MAPK4: variants seen among roughly 807,000 people sequenced by gnomAD.
The protein encoded by MAPK4 is mitogen-activated protein kinase 4.
In MAPK4, 22 loss-of-function variants were observed where a neutral mutation model predicts 47.7. The observed-to-expected ratio is 0.46, with a 90% CI of 0.33 to 0.66. The LOEUF (loss-of-function observed/expected upper bound fraction) is 0.66, where lower values mean the gene tolerates loss of function less well. Among genes scored for constraint, MAPK4 ranks in the 30% least tolerant of loss-of-function variants. The pLI is 0.02. For missense variants in MAPK4, 736 were observed against 831.7 expected (o/e 0.88, Z 1.42); for synonymous variants, 390 against 365.7 (o/e 1.07, Z -0.76).
intron 1 of MAPK4, among the ~76,000 whole-genome samples, chr18:50,611,618 G>C (rs1347130900): frequency 6.6e-6 from 1 of 152,216 alleles, no homozygotes. Flanking sequence ...CCATCTCTCT[G>C]ACAGTGGGAA....
chr18:50,668,962 G>A (rs1262678052), intron 2 of MAPK4, among the ~76,000 whole-genome samples: 3 of 152,196 alleles, frequency 2.0e-5, no homozygotes, highest in Non-Finnish European at 2.9e-5. Flanking sequence ...AGAGTCAAAC[G>A]AAAAAGCGTG....
At chr18:50,564,780 C>T (rs1010956215) in intron 1 of MAPK4, among the ~76,000 whole-genome samples, 4 of 152,176 alleles carry the variant, frequency 2.6e-5, no homozygotes, top group Non-Finnish European at 4.4e-5. Flanking sequence ...AGCAGAACCG[C>T]CATTACCCAC....
rs571229308 is a variant in MAPK4 at position 50,674,623 on chromosome 18, C to A, written c.546+10119C>A. On this transcript the variant is annotated intron_variant, in intron 2 of 5. Coordinates refer to ENST00000400384, the MANE Select transcript of MAPK4 (RefSeq NM_002747.4). The stretch of plus-strand genomic sequence containing the variant: ...CCCTCTGTTCCCACATAAACTCCTG[C>A]GGACCCTGCTCAAATGTCCCACCTC... Among the ~76,000 whole-genome samples, 5 of 152,270 alleles carry A rather than the reference C, an allele frequency of 3.3e-5. No homozygotes were observed. The South Asian group carries it at 1.0e-3, about 32-fold the overall frequency.
chr18:50,673,123 G>T (rs988271990), intron 2 of MAPK4, among the ~76,000 whole-genome samples: 1 of 151,924 alleles, frequency 6.6e-6, no homozygotes, highest in African/African-American at 2.4e-5. Flanking sequence ...CCAAAAATAC[G>T]AAAATTAGCC....
intron 1 of MAPK4, among the ~76,000 whole-genome samples, chr18:50,647,080 C>T (rs1053818756): frequency 1.3e-5 from 2 of 152,194 alleles, no homozygotes; most frequent in African/African-American, 4.8e-5. Context: ...TCCTCATTGC[C>T]TGGTACATAG....
intron 1 of MAPK4, among the ~76,000 whole-genome samples, chr18:50,562,568 A>T (rs1429849151): frequency 6.6e-6 from 1 of 152,136 alleles, no homozygotes; most frequent in Non-Finnish European, 1.5e-5. Context: ...TCTAAGTCCC[A>T]TCATTGCCCA....
At chr18:50,656,896 A>G (rs2144227735) in intron 1 of MAPK4, among the ~76,000 whole-genome samples, 1 of 152,322 alleles carries the variant, frequency 6.6e-6, no homozygotes, top group East Asian at 1.9e-4. Flanking sequence ...CTCAGCCTCA[A>G]GTAAAAAAAA....
At chr18:50,577,041 T>G (rs550939595) in intron 1 of MAPK4, among the ~76,000 whole-genome samples, 5 of 152,348 alleles carry the variant, frequency 3.3e-5, no homozygotes, top group Admixed American at 2.6e-4. Flanking sequence ...CAAACTTGTT[T>G]GCACATTGGA....
At chr18:50,617,388 C>T (rs984050464) in intron 1 of MAPK4, among the ~76,000 whole-genome samples, 1 of 152,152 alleles carries the variant, frequency 6.6e-6, no homozygotes, top group Non-Finnish European at 1.5e-5. Context: ...GCAAAGTTTA[C>T]AGCACTTTAT....
At chr18:50,636,963 T>C (rs2042894397) in intron 1 of MAPK4, among the ~76,000 whole-genome samples, 1 of 152,150 alleles carries the variant, frequency 6.6e-6, no homozygotes, top group Non-Finnish European at 1.5e-5. Flanking sequence ...TGTCACAGCC[T>C]CCTGCTTGCT....
At chr18:50,648,267 A>G (rs1482714054) in intron 1 of MAPK4, among the ~76,000 whole-genome samples, 1 of 152,062 alleles carries the variant, frequency 6.6e-6, no homozygotes, top group African/African-American at 2.4e-5. Flanking sequence ...CAGTGTCACA[A>G]GCAGGTGGAC....
chr18:50,577,153 TAA>T (rs1037792846), intron 1 of MAPK4, among the ~76,000 whole-genome samples: 2 of 152,144 alleles, frequency 1.3e-5, no homozygotes, highest in Non-Finnish European at 2.9e-5. Context: ...TTTGGAATTT[TAA>T]AAAGATGATT....
intron 1 of MAPK4, among the ~76,000 whole-genome samples, chr18:50,605,357 T>G (rs1352278572): frequency 1.3e-5 from 2 of 152,202 alleles, no homozygotes; most frequent in Non-Finnish European, 2.9e-5. Flanking sequence ...ATTCAGGTAC[T>G]GCTCTGAGGG....
intron 1 of MAPK4, among the ~76,000 whole-genome samples, chr18:50,564,304 T>C (rs929093275): frequency 5.3e-5 from 8 of 152,244 alleles, no homozygotes; most frequent in Non-Finnish European, 1.2e-4. Context: ...ATTGATGTTA[T>C]GGGCCAGATA....
chr18:50,569,836 G>A (rs2042234434), intron 1 of MAPK4, among the ~76,000 whole-genome samples: 1 of 152,202 alleles, frequency 6.6e-6, no homozygotes, highest in South Asian at 2.1e-4. Flanking sequence ...CCGTCAATAC[G>A]CTGCTCAGCT....
At chr18:50,693,217 C>T (rs1488301329) in intron 2 of MAPK4, among the ~76,000 whole-genome samples, 1 of 152,048 alleles carries the variant, frequency 6.6e-6, no homozygotes, top group East Asian at 1.9e-4. Flanking sequence ...CACGATAGCA[C>T]CACTGCACTC....
chr18:50,633,854 C>T (rs930068786), intron 1 of MAPK4, among the ~76,000 whole-genome samples: 1 of 152,112 alleles, frequency 6.6e-6, no homozygotes, highest in Admixed American at 6.6e-5. Flanking sequence ...ATAGGATTTT[C>T]TGTCAGCTGG....
In MAPK4 at chr18:50,729,713, G is replaced by T; in HGVS notation, c.1623G>T (p.Val541=). The T allele has an allele frequency of 6.3e-7, 1 of 1,578,598 alleles. No individual in the cohort carries two copies. Among genetic ancestry groups the T allele is most frequent in the African/African-American group, 1.3e-5 (1 of 74,572 alleles). ...CCAGCCCCCAGTTCGACCTGGACGT[G>T]TTCATCTCCCGCGCCCTGAAGCTCT... ...GGASPQFDLD[V]FISRALKLCT... The change falls in exon 6 of 6, where the codon GTG becomes GTT. Residue 541 remains valine (V), a synonymous_variant. Coordinates refer to ENST00000400384, the MANE Select transcript of MAPK4 (RefSeq NM_002747.4).
At chr18:50,620,226 G>A (rs893016074) in intron 1 of MAPK4, among the ~76,000 whole-genome samples, 1 of 152,202 alleles carries the variant, frequency 6.6e-6, no homozygotes, top group Non-Finnish European at 1.5e-5. Context: ...GCTGGAAGTG[G>A]AAGTGTTATA....
Sources: allele counts gnomAD v4.1 joint callset (sites outside exome capture counted in the v4.1 genomes callset), GRCh38; gene constraint gnomAD v4.1.1; transcripts MANE v1.5; gene names NCBI Gene and HGNC (gene_info 2026-07-23, HGNC 2026-07-21).